Variants in EYA1 observed in about 807,000 individuals in gnomAD.
EYA1 encodes protein phosphatase EYA1.
EYA1 carries 16 observed loss-of-function variants against 82.0 expected under a neutral mutation model. The observed-to-expected ratio is 0.20, with a 90% confidence interval of 0.13 to 0.30. EYA1 has a LOEUF of 0.30. Among genes scored for constraint, EYA1 ranks in the 10% least tolerant of loss-of-function variants. The pLI, the probability that EYA1 is intolerant of heterozygous loss-of-function variation, is 1.00. For synonymous variants in EYA1, 261 were observed against 264.4 expected (o/e 0.99, Z 0.12); for missense variants, 633 against 730.7 (o/e 0.87, Z 1.54).
intron 1 of EYA1, among the ~76,000 whole-genome samples, chr8:71,540,345 T>C (rs1342520152): frequency 6.6e-6 from 1 of 152,194 alleles, no homozygotes; most frequent in African/African-American, 2.4e-5. Context: ...AGCCAGGCAA[T>C]TGACAAAATA....
intron 2 of EYA1, chr8:71,403,839 G>GTA (rs1292451400): frequency 6.6e-6 from 1 of 152,178 alleles, no homozygotes; most frequent in African/African-American, 2.4e-5. Context: ...AGCCATAAAA[G>GTA]TATACATCCC....
rs111229114 is a variant in EYA1 at position 71,272,001 on chromosome 8, T to C, written c.827-104A>G. On this transcript the variant is annotated intron_variant, in intron 9 of 17. Coordinates refer to ENST00000340726, the MANE Select transcript of EYA1 (RefSeq NM_000503.6). ...GGGGAGTTTCAATAGTAAAGCACATTTCATTCTGCTGAAATCCTACATCGT... is the reference window on the plus strand; with the variant it reads ...GGGGAGTTTCAATAGTAAAGCACATCTCATTCTGCTGAAATCCTACATCGT... 8,162 of 1,172,838 alleles carry C rather than the reference T, an allele frequency of 7.0e-3. 392 individuals carry two copies. In the African/African-American group the frequency reaches 0.11, roughly 15 times the overall value. The allele number at this position is 1,172,838 out of a possible 1,614,324, so 72.7% of individuals were successfully genotyped here. A position where few individuals can be genotyped will look rare whatever the true frequency, so the allele number is the denominator to read the frequency against.
chr8:71,270,965 A>G (rs905263767), intron 10 of EYA1, among the ~76,000 whole-genome samples: 11 of 152,006 alleles, frequency 7.2e-5, no homozygotes, highest in Non-Finnish European at 7.4e-5. Flanking sequence ...TAAAAATACA[A>G]AAATTAGCCG....
intron 9 of EYA1, among the ~76,000 whole-genome samples, chr8:71,290,924 T>C (rs1818927936): frequency 6.6e-6 from 1 of 152,220 alleles, no homozygotes; most frequent in African/African-American, 2.4e-5. Context: ...ATACAAATAT[T>C]TGTTTTGCCG....
chr8:71,347,385 C>T (rs1825843220), intron 3 of EYA1, among the ~76,000 whole-genome samples: 1 of 152,076 alleles, frequency 6.6e-6, no homozygotes, highest in Admixed American at 6.6e-5. Flanking sequence ...TGCAGTGGCA[C>T]GAATGTGGCT....
intron 2 of EYA1, among the ~76,000 whole-genome samples, chr8:71,402,506 T>A (rs552521475): frequency 6.6e-6 from 1 of 152,328 alleles, no homozygotes; most frequent in South Asian, 2.1e-4. Context: ...AAGAAAAGGC[T>A]TAATATTCTA....
intron 2 of EYA1, among the ~76,000 whole-genome samples, chr8:71,433,226 T>C (rs1185315619): frequency 6.6e-6 from 1 of 152,204 alleles, no homozygotes; most frequent in Non-Finnish European, 1.5e-5. Flanking sequence ...CCCTGGTCTC[T>C]AGAAAATAAC....
At chr8:71,536,267 A>G (rs935638532) in intron 1 of EYA1, among the ~76,000 whole-genome samples, 6 of 152,178 alleles carry the variant, frequency 3.9e-5, no homozygotes, top group African/African-American at 1.4e-4. Flanking sequence ...AATACTAACA[A>G]AGAAATATGA....
intron 2 of EYA1, among the ~76,000 whole-genome samples, chr8:71,429,592 C>T (rs1805482416): frequency 6.6e-6 from 1 of 151,922 alleles, no homozygotes; most frequent in African/African-American, 2.4e-5. Flanking sequence ...ATGAATTGTT[C>T]AAATGTTACA....
intron 2 of EYA1, among the ~76,000 whole-genome samples, chr8:71,446,861 A>G (rs1022985650): frequency 1.3e-5 from 2 of 152,128 alleles, no homozygotes; most frequent in African/African-American, 4.8e-5. Flanking sequence ...AGCAATGCTA[A>G]AATATTTCAC....
chr8:71,287,912 T>A (rs949303645), intron 9 of EYA1, among the ~76,000 whole-genome samples: 1 of 152,232 alleles, frequency 6.6e-6, no homozygotes, highest in Admixed American at 6.5e-5. Flanking sequence ...ATTCTCATAG[T>A]CATCCTATAC....
chr8:71,505,151 G>A (rs1812098031), intron 2 of EYA1, among the ~76,000 whole-genome samples: 1 of 152,150 alleles, frequency 6.6e-6, no homozygotes, highest in African/African-American at 2.4e-5. Flanking sequence ...TTCACTTGAA[G>A]AAACCTTGAT....
At chr8:71,325,354 T>C (rs1359381274) in intron 4 of EYA1, among the ~76,000 whole-genome samples, 1 of 152,184 alleles carries the variant, frequency 6.6e-6, no homozygotes, top group Non-Finnish European at 1.5e-5. Context: ...TCCTTGGCAA[T>C]GTAGCACCCC....
At chr8:71,302,395 A>ATCACAGT (rs1820295948) in intron 7 of EYA1, among the ~76,000 whole-genome samples, 1 of 152,220 alleles carries the variant, frequency 6.6e-6, no homozygotes, top group African/African-American at 2.4e-5. Flanking sequence ...GACCAAGTAA[A>ATCACAGT]TCACAGTTCA....
intron 2 of EYA1, among the ~76,000 whole-genome samples, chr8:71,500,717 G>A (rs1811750603): frequency 6.6e-6 from 1 of 151,942 alleles, no homozygotes; most frequent in Non-Finnish European, 1.5e-5. Flanking sequence ...CCTACATTCT[G>A]CATTTCATTA....
chr8:71,495,876 C>T (rs1157463176), intron 2 of EYA1, among the ~76,000 whole-genome samples: 2 of 152,180 alleles, frequency 1.3e-5, no homozygotes. Flanking sequence ...AAAGGGAATG[C>T]CTTGCCAGGG....
At chr8:71,347,933 T>C (rs1232126301) in intron 3 of EYA1, among the ~76,000 whole-genome samples, 1 of 145,822 alleles carries the variant, frequency 6.9e-6, no homozygotes, top group Non-Finnish European at 1.5e-5. Flanking sequence ...ACTAGCAAAT[T>C]ACCATGAACA....
chr8:71,424,121 G>A (rs1325405195), intron 2 of EYA1, among the ~76,000 whole-genome samples: 1 of 152,190 alleles, frequency 6.6e-6, no homozygotes, highest in African/African-American at 2.4e-5. Context: ...TTCACCGTCT[G>A]TCACAGGTGC....
At chr8:71,248,555 G>A (rs979602486) in intron 11 of EYA1, among the ~76,000 whole-genome samples, 1 of 152,170 alleles carries the variant, frequency 6.6e-6, no homozygotes, top group Non-Finnish European at 1.5e-5. Flanking sequence ...TTTAGAAACA[G>A]AGCACGGAGT....
Sources: gnomAD v4.1 joint callset for allele counts (sites outside exome capture counted in the v4.1 genomes callset) on GRCh38, gnomAD v4.1.1 for gene constraint, MANE v1.5 for transcripts, NCBI Gene and HGNC (gene_info 2026-07-23, HGNC 2026-07-21) for gene names.